Variants in DNHD1 observed in about 807,000 individuals in gnomAD.
DNHD1 encodes dynein heavy chain domain 1.
A neutral mutation model predicts 458.1 loss-of-function variants in DNHD1; 383 were observed. That is an observed-to-expected ratio of 0.84 (90% CI 0.77 to 0.91). DNHD1 has a LOEUF of 0.91. DNHD1 is among the 40% of genes least tolerant of loss of function. The probability of loss-of-function intolerance (pLI) is 0.00; values close to 1 mark genes in which losing one functional copy is unlikely to be tolerated. For synonymous variants in DNHD1, 2,203 were observed against 2,376.9 expected (o/e 0.93, Z 2.13); for missense variants, 5,336 against 5,866.1 (o/e 0.91, Z 2.95).
intron 4 of DNHD1, chr11:6,503,655 C>T (rs1852180651): frequency 6.6e-6 from 1 of 152,040 alleles, no homozygotes; most frequent in African/African-American, 2.4e-5. Flanking sequence ...GGCCAGTTTT[C>T]TAAAATTTAT....
At chr11:6,502,594 C>A (rs1307973760) in intron 3 of DNHD1, among the ~76,000 whole-genome samples, 159 bp from the exon 4 acceptor site, 6 of 152,210 alleles carry the variant, frequency 3.9e-5, no homozygotes, top group Non-Finnish European at 8.8e-5. Context: ...TATGTGGTAT[C>A]TTTGAGTATA....
Position 6,546,535 on chromosome 11 carries a change from G to C in DNHD1, c.5596G>C (p.Val1866Leu), listed in dbSNP as rs1331267627. 6.4e-7 allele frequency: 1 copy of C among 1,551,382 alleles called. No individual in the cohort carries two copies. The highest frequency in any genetic ancestry group is 2.0e-5 in the Admixed American group (1 of 51,000). ...ATTCTTCTCTCTAGAGCGTGAGCTG[G>C]TGTCTGGGCCCCTGCCCTGCCGCCT... ...SKFFSLEREL[V>L]SGPLPCRLPL... Residue 1866 changes from valine (V) to leucine (L), a missense_variant, in exon 21 of 43, where the codon GTG becomes CTG. By Grantham distance (32) the Val-to-Leu change is conservative. Transcript: ENST00000254579.
In DNHD1 at chr11:6,549,436, T is replaced by C. The variant is rs568061904; in HGVS notation, c.7387+503T>C. Among the ~76,000 whole-genome samples the C allele has an allele frequency of 2.4e-4, 37 of 152,368 alleles. No homozygotes were observed. The South Asian group carries it at 6.0e-3, about 25-fold the overall frequency. On this transcript the variant is annotated intron_variant, in intron 24 of 42. Transcript: ENST00000254579. ...TTCCATGGTTCAGATGATCTTTACTTGGAAATCTGACAAATGCTCTTACAA... is the reference window on the plus strand; with the variant it reads ...TTCCATGGTTCAGATGATCTTTACTCGGAAATCTGACAAATGCTCTTACAA...
chr11:6,527,719 T>C (rs531902279), intron 10 of DNHD1, among the ~76,000 whole-genome samples: 4 of 152,220 alleles, frequency 2.6e-5, no homozygotes, highest in Admixed American at 1.3e-4. Context: ...GTGAGTACAG[T>C]TGGAGAAGAG....
intron 10 of DNHD1, among the ~76,000 whole-genome samples, chr11:6,521,521 T>C (rs1297227427): frequency 6.6e-6 from 1 of 152,206 alleles, no homozygotes; most frequent in African/African-American, 2.4e-5. Flanking sequence ...AATGCTTGTA[T>C]CTTACCTTCA....
intron 7 of DNHD1, among the ~76,000 whole-genome samples, chr11:6,517,691 G>C (rs1436527870): frequency 9.6e-6 from 1 of 104,154 alleles, no homozygotes; most frequent in African/African-American, 3.8e-5. Flanking sequence ...TTTTTTAAGG[G>C]CACTAATCCT....
chr11:6,533,605 G>A, intron 13 of DNHD1, 76 bp from the exon 14 acceptor site: 1 of 1,473,000 alleles, frequency 6.8e-7, no homozygotes, highest in Non-Finnish European at 9.0e-7. Flanking sequence ...CAAAAGGTGG[G>A]AGTTCCCCTT....
chr11:6,508,709 T>C (rs902378754), intron 4 of DNHD1, 171 bp from the exon 5 acceptor site: 5 of 630,800 alleles, frequency 7.9e-6, no homozygotes, highest in East Asian at 2.8e-5. Flanking sequence ...TTCTTAATAA[T>C]ATTTGTTTCA....
At chr11:6,509,715 T>A (rs1852299248) in intron 6 of DNHD1, among the ~76,000 whole-genome samples, 1 of 152,200 alleles carries the variant, frequency 6.6e-6, no homozygotes, top group Admixed American at 6.5e-5. Context: ...ATTTTTCTTT[T>A]TTTTGGAAAA....
In DNHD1 at chr11:6,567,442, G is replaced by A. The variant is rs779628779; in HGVS notation, c.11933G>A (p.Arg3978Gln). ...VHSKPVSDVA[R>Q]PAWLGPKAWH... Reference sequence around the variant, plus strand: ...AGCAAGCCAGTCTCAGATGTGGCTCGACCGGCCTGGCTTGGGCCAAAAGCC... The same window carrying A: ...AGCAAGCCAGTCTCAGATGTGGCTCAACCGGCCTGGCTTGGGCCAAAAGCC... Residue 3978 changes from arginine (R) to glutamine (Q), a missense_variant, in exon 36 of 43, where the codon CGA (arginine) becomes CAA (glutamine). Arg to Gln is a conservative substitution (Grantham distance 43). Coordinates refer to ENST00000254579, the MANE Select transcript of DNHD1 (RefSeq NM_144666.3). 15 of 1,598,626 alleles carry A rather than the reference G, an allele frequency of 9.4e-6. No individual in the cohort carries two copies. The African/African-American group carries it at 9.4e-5, about 10-fold the overall frequency.
In DNHD1 at chr11:6,545,111, T is replaced by C; in HGVS notation, c.4172T>C (p.Val1391Ala). The change falls in exon 21 of 43, where the codon GTG (valine) becomes GCG (alanine). Residue 1391 changes from valine to alanine, a missense_variant. By Grantham distance (64) the Val-to-Ala change is moderately conservative (BLOSUM62 0). Around this residue, in one of 4 missense-constraint regions of DNHD1, gnomAD observed 3,932 missense variants for 4,365.6 expected, o/e 0.90. Transcript: ENST00000254579. This position sits in a 1 kb window ranked among gnomAD's most constrained non-coding sequence, Gnocchi z 4.9. ...TGGGTACGACGCTGCTTTCCTCATG[T>C]GCATGCTGTGAGCTTCAGGTCTTGC... ...QLWVRRCFPH[V>A]HAVSFRSCPT... The C allele has an allele frequency of 6.4e-7, 1 of 1,552,122 alleles. No individual in the cohort carries two copies. The highest frequency in any genetic ancestry group is 8.7e-7 in the Non-Finnish European group (1 of 1,147,080).
chr11:6,566,703 AC>A lies in DNHD1; in HGVS notation c.11326del (p.Arg3776AlafsTer5). On this transcript the variant is annotated frameshift_variant, in exon 35 of 43. Transcript: ENST00000254579. LOFTEE classifies it high-confidence loss of function. ...ILCREYPELE[T>X]RWQDLKIRAL... is the part of the protein sequence containing the mutation. ...GTGCAGAGAGTATCCTGAACTCGAG[AC>A]CCGCTGGCAGGACCTAAAGATCAGA... 2 of 1,612,516 alleles carry A rather than the reference AC, an allele frequency of 1.2e-6. No individual in the cohort carries two copies. Among genetic ancestry groups the A allele is most frequent in the Non-Finnish European group, 1.7e-6 (2 of 1,179,288 alleles).
chr11:6,539,169 G>A (rs1853034544), intron 16 of DNHD1, 50 bp from the exon 17 acceptor site: 1 of 1,297,340 alleles, frequency 7.7e-7, no homozygotes, highest in Non-Finnish European at 1.1e-6. Flanking sequence ...ATATGGGTTG[G>A]ACTCTGCCAC....
intron 24 of DNHD1, among the ~76,000 whole-genome samples, chr11:6,551,469 A>C (rs1376326242): frequency 6.6e-6 from 1 of 152,240 alleles, no homozygotes; most frequent in East Asian, 1.9e-4. Flanking sequence ...ACAGAGCAGA[A>C]ATCAGTGAAA....
rs1852166673 is a variant in DNHD1 at position 6,502,939 on chromosome 11, GTCCAGGCCCCT to G, written c.920+16_920+26del. 6 of 1,609,732 alleles carry G rather than the reference GTCCAGGCCCCT, an allele frequency of 3.7e-6. No homozygotes were observed. Among genetic ancestry groups the G allele is most frequent in the Non-Finnish European group, 5.1e-6 (6 of 1,178,562 alleles). On this transcript the variant is annotated intron_variant, in intron 4 of 42. Transcript: ENST00000254579. ...GCCGGTACTTTAGGTGATAGCCTATGTCCAGGCCCCTTCTCCTCCCCCTGCCTGGTTTCCTT... is the reference window on the plus strand; with the variant it reads ...GCCGGTACTTTAGGTGATAGCCTATGTCTCCTCCCCCTGCCTGGTTTCCTT...
rs1853270009 is a variant in DNHD1 at position 6,548,479 on chromosome 11, G to A, written c.7098+77G>A. 1 of 1,486,894 alleles carries A rather than the reference G, an allele frequency of 6.7e-7. No homozygotes were observed. Among genetic ancestry groups the A allele is most frequent in the Non-Finnish European group, 9.1e-7 (1 of 1,102,030 alleles). 92.1% of individuals were successfully genotyped at this position (1,486,894 alleles called of 1,614,324 possible). On this transcript the variant is annotated intron_variant, in intron 23 of 42. Coordinates refer to ENST00000254579, the MANE Select transcript of DNHD1 (RefSeq NM_144666.3). This position sits in a 1 kb window ranked among gnomAD's most constrained non-coding sequence, Gnocchi z 4.4. ...AGGGGTAATCCATGTTCAAAGATCA[G>A]CTGAGGCCCACTTGCTCCCTTTCTT...
intron 35 of DNHD1, 43 bp downstream of exon 35, chr11:6,566,808 G>A: frequency 6.2e-7 from 1 of 1,600,404 alleles, no homozygotes; most frequent in South Asian, 1.1e-5. Context: ...AGCATTGGAT[G>A]GACCTGGGTA....
intron 10 of DNHD1, 86 bp from the exon 11 acceptor site, chr11:6,528,436 T>TAC: frequency 1.7e-6 from 2 of 1,160,184 alleles, no homozygotes; most frequent in East Asian, 2.6e-5. Flanking sequence ...TGTGTGTGTG[T>TAC]ACACACACTG....
At chr11:6,540,300 C>T (rs1329044374) in intron 18 of DNHD1, among the ~76,000 whole-genome samples, 1 of 152,246 alleles carries the variant, frequency 6.6e-6, no homozygotes, top group Non-Finnish European at 1.5e-5. Flanking sequence ...CATCTCTACT[C>T]AATGCCTGGG....
Sources: allele counts gnomAD v4.1 joint callset (sites outside exome capture counted in the v4.1 genomes callset), GRCh38; gene constraint gnomAD v4.1.1; regional missense constraint gnomAD v4.1.1; non-coding constraint Gnocchi (gnomAD v3.1); transcripts MANE v1.5; gene names NCBI Gene and HGNC (gene_info 2026-07-23, HGNC 2026-07-21).